Variants in PRKD3 observed in about 807,000 individuals in gnomAD.
The protein encoded by PRKD3 is protein kinase D3.
PRKD3 carries 47 observed loss-of-function variants against 99.2 expected under a neutral mutation model. The ratio of observed to expected loss-of-function variants is 0.47; its 90% CI spans 0.38 to 0.60. The LOEUF is 0.60. PRKD3 is among the 20% of genes least tolerant of loss of function. PRKD3 has a pLI of 0.00. For missense variants in PRKD3, 1,019 were observed against 1,088.4 expected (o/e 0.94, Z 0.90); for synonymous variants, 392 against 355.4 (o/e 1.10, Z -1.16).
chr2:37,313,398 T>C (rs1400459105), intron 2 of PRKD3, among the ~76,000 whole-genome samples: 1 of 149,576 alleles, frequency 6.7e-6, no homozygotes, highest in Non-Finnish European at 1.5e-5. Flanking sequence ...TGGAATTATA[T>C]AATGTAATTC....
intron 2 of PRKD3, among the ~76,000 whole-genome samples, chr2:37,313,648 T>C (rs1671538646): frequency 6.6e-6 from 1 of 152,132 alleles, no homozygotes. Flanking sequence ...TGAAAAGATA[T>C]CACAATGCAA....
chr2:37,324,250 C>T (rs569261401), intron 1 of PRKD3: 150 of 985,536 alleles, frequency 1.5e-4, no homozygotes, highest in Middle Eastern at 5.2e-4. Context: ...AAAAGCTGGT[C>T]CAAAATTCGG....
intron 5 of PRKD3, among the ~76,000 whole-genome samples, chr2:37,287,143 T>C (rs1051131315): frequency 7.0e-6 from 1 of 141,912 alleles, no homozygotes; most frequent in African/African-American, 2.7e-5. Context: ...CGCAGAAGAA[T>C]CGCTTGAACC....
intron 17 of PRKD3, among the ~76,000 whole-genome samples, chr2:37,255,272 A>G (rs983537024): frequency 1.3e-5 from 2 of 151,460 alleles, no homozygotes; most frequent in Non-Finnish European, 2.9e-5. Context: ...GTTTGATGGA[A>G]TATTAGTTAA....
intron 13 of PRKD3, 133 bp downstream of exon 13, chr2:37,269,482 A>G (rs1232884668): frequency 5.6e-6 from 4 of 714,102 alleles, no homozygotes; most frequent in Non-Finnish European, 9.8e-6. Context: ...GATTTAGCTG[A>G]AAGATAACAA....
chr2:37,294,595 G>C (rs181712548), intron 2 of PRKD3, among the ~76,000 whole-genome samples: 1 of 152,184 alleles, frequency 6.6e-6, no homozygotes, highest in East Asian at 1.9e-4. Context: ...ATATATCTAA[G>C]AGTGTAAGAA....
At chr2:37,319,003 T>C (rs1363257179) in intron 1 of PRKD3, among the ~76,000 whole-genome samples, 2 of 152,268 alleles carry the variant, frequency 1.3e-5, no homozygotes, top group South Asian at 2.1e-4. Context: ...AAATAATGAT[T>C]ATTAGGCTTC....
In PRKD3 at chr2:37,275,782, T is replaced by A; in HGVS notation, c.1359A>T (p.Gly453=). The part of the protein sequence containing the change: ...KCLTLFQNES[G]SKYYKEIPLS... Reference sequence around the variant, plus strand: ...AAATCCTTACCTTATAATACTTTGATCCAGATTCATTCTGAAATAATGTTA... The same window carrying A: ...AAATCCTTACCTTATAATACTTTGAACCAGATTCATTCTGAAATAATGTTA... Residue 453 remains glycine (G), a synonymous_variant, in exon 10 of 19, where the codon GGA becomes GGT. Transcript: ENST00000234179. 1 of 1,610,232 alleles carries A rather than the reference T, an allele frequency of 6.2e-7. No individual in the cohort carries two copies. Among genetic ancestry groups the A allele is most frequent in the Admixed American group, 1.7e-5 (1 of 59,532 alleles).
chr2:37,311,728 G>C (rs1558579318), intron 2 of PRKD3, among the ~76,000 whole-genome samples: 1 of 152,012 alleles, frequency 6.6e-6, no homozygotes, highest in African/African-American at 2.4e-5. Flanking sequence ...TTCAATATTT[G>C]AAAAAATGTA....
At chr2:37,289,849 G>A (rs990377716) in intron 4 of PRKD3, among the ~76,000 whole-genome samples, 2 of 152,160 alleles carry the variant, frequency 1.3e-5, no homozygotes, top group African/African-American at 4.8e-5. Context: ...TGTGTTTTAC[G>A]ATGCACAATA....
At chr2:37,315,368 T>C (rs1317210959) in intron 2 of PRKD3, among the ~76,000 whole-genome samples, 1 of 152,188 alleles carries the variant, frequency 6.6e-6, no homozygotes, top group Non-Finnish European at 1.5e-5. Context: ...AATTTTCAAA[T>C]ATTTTGTCGT....
At chr2:37,320,947 C>T (rs1671861328) in intron 1 of PRKD3, among the ~76,000 whole-genome samples, 1 of 152,206 alleles carries the variant, frequency 6.6e-6, no homozygotes, top group South Asian at 2.1e-4. Context: ...TCTGCCCACT[C>T]TTTCCATTTT....
intron 17 of PRKD3, 69 bp from the exon 18 acceptor site, chr2:37,254,358 A>T: frequency 1.7e-6 from 2 of 1,208,596 alleles, no homozygotes; most frequent in Non-Finnish European, 2.5e-6. Context: ...GTGACTGCCT[A>T]GAAGGCAGTT....
intron 1 of PRKD3, among the ~76,000 whole-genome samples, chr2:37,321,712 T>C (rs1009678270): frequency 6.0e-4 from 92 of 152,230 alleles, no homozygotes; most frequent in African/African-American, 2.2e-3. Context: ...TGGGTAATTA[T>C]AAACTGCAAG....
intron 1 of PRKD3, 50 bp from the exon 2 acceptor site, chr2:37,317,229 T>C (rs1671704609): frequency 5.2e-6 from 4 of 766,674 alleles, no homozygotes; most frequent in Non-Finnish European, 6.3e-6. Flanking sequence ...TCATTCGACA[T>C]TAATTTAAAA....
intron 16 of PRKD3, among the ~76,000 whole-genome samples, chr2:37,259,188 T>A (rs1352650087): frequency 6.6e-6 from 1 of 152,196 alleles, no homozygotes; most frequent in Admixed American, 6.5e-5. Context: ...AATACAATAC[T>A]CTACATAGAA....
At position 37,274,515 on chromosome 2, in the gene PRKD3, TAC is replaced by T; in HGVS notation, c.1555_1556del (p.Val519SerfsTer42). 2 of 1,614,166 alleles carry T rather than the reference TAC, an allele frequency of 1.2e-6. No homozygotes were observed. Among genetic ancestry groups the T allele is most frequent in the Non-Finnish European group, 1.7e-6 (2 of 1,180,002 alleles). On this transcript the variant is annotated frameshift_variant, in exon 11 of 19. Transcript: ENST00000234179. LOFTEE classifies it high-confidence loss of function. ...GAATTGCTTTTTCCCAGCTCTGTGCTACATCAAGTCCAACTCCAGTGGCAGCA... is the reference window on the plus strand; with the variant it reads ...GAATTGCTTTTTCCCAGCTCTGTGCTATCAAGTCCAACTCCAGTGGCAGCA... ...VLAATGVGLD[V>X]AQSWEKAIRQ... is the part of the protein sequence containing the mutation.
chr2:37,297,209 A>C (rs554981197), intron 2 of PRKD3, among the ~76,000 whole-genome samples: 92 of 152,274 alleles, frequency 6.0e-4, no homozygotes, highest in African/African-American at 2.2e-3. Flanking sequence ...AAAACAAAGG[A>C]TGCTTAGGCT....
chr2:37,280,050 TTC>T (rs1377424408), intron 7 of PRKD3, 121 bp from the exon 8 acceptor site: 11 of 667,396 alleles, frequency 1.6e-5, no homozygotes, highest in Non-Finnish European at 2.6e-5. Flanking sequence ...AGTAAAGTAT[TTC>T]TCTTTTTTTT....
Sources: allele counts gnomAD v4.1 joint callset (sites outside exome capture counted in the v4.1 genomes callset), GRCh38; gene constraint gnomAD v4.1.1; transcripts MANE v1.5; gene names NCBI Gene and HGNC (gene_info 2026-07-23, HGNC 2026-07-21).